AHDC1: variants seen among roughly 807,000 people sequenced by gnomAD.
AHDC1 encodes transcription factor Gibbin.
In AHDC1, 7 loss-of-function variants were observed where a neutral mutation model predicts 87.9. The observed-to-expected ratio is 0.08, with a 90% CI of 0.05 to 0.15. The LOEUF (loss-of-function observed/expected upper bound fraction) is 0.15. AHDC1 is among the 10% of genes least tolerant of loss of function. The probability of loss-of-function intolerance (pLI) is 1.00; values close to 1 mark genes in which losing one functional copy is unlikely to be tolerated. For synonymous variants in AHDC1, 1,051 were observed against 1,006.8 expected (o/e 1.04, Z -0.83); for missense variants, 1,841 against 2,253.2 (o/e 0.82, Z 3.70).
chr1:27,541,001 T>TAAAAAAAAAGA (rs2018880642), intron 8 of AHDC1, among the ~76,000 whole-genome samples: 1 of 72,368 alleles, frequency 1.4e-5, no homozygotes, highest in Non-Finnish European at 2.4e-5. Context: ...CTAAAAATGC[T>TAAAAAAAAAGA]AAAAAAAAAA....
chr1:27,569,029 C>T (rs2020452563), intron 3 of AHDC1, among the ~76,000 whole-genome samples: 1 of 151,904 alleles, frequency 6.6e-6, no homozygotes, highest in Non-Finnish European at 1.5e-5. Context: ...AGAGCCCTGC[C>T]CTGAACCCCC....
At chr1:27,583,986 C>T (rs894888130) in intron 3 of AHDC1, among the ~76,000 whole-genome samples, 3 of 152,198 alleles carry the variant, frequency 2.0e-5, no homozygotes, top group Admixed American at 6.5e-5. Flanking sequence ...AACATGACCC[C>T]TTATGATCTG....
intron 3 of AHDC1, among the ~76,000 whole-genome samples, chr1:27,578,590 A>G (rs1325244465): frequency 6.7e-6 from 1 of 149,942 alleles, no homozygotes; most frequent in Non-Finnish European, 1.5e-5. Flanking sequence ...CTCCCTCTCA[A>G]AAAAAAAAAG....
rs552889135 is a variant in AHDC1 at position 27,551,418 on chromosome 1, C to T, written c.698G>A (p.Ser233Asn). 6.8e-6 allele frequency: 11 copies of T among 1,613,434 alleles called. No homozygotes were observed. The African/African-American group carries it at 9.3e-5, about 14-fold the overall frequency. Residue 233 changes from serine (S) to asparagine (N), a missense_variant, in exon 8 of 9, where the codon AGC (serine) becomes AAC (asparagine). Ser to Asn is a conservative substitution (Grantham distance 46). Around this residue, in one of 13 missense-constraint regions of AHDC1, gnomAD observed 370 missense variants for 391.5 expected, o/e 0.95. Coordinates refer to ENST00000673934, the MANE Select transcript of AHDC1 (RefSeq NM_001371928.1). ...GTCAGCAAGTTCTGAGTAATCAGTGCTGTCTGGCTCAGGCTCTGGGGGCAG... is the reference window on the plus strand; with the variant it reads ...GTCAGCAAGTTCTGAGTAATCAGTGTTGTCTGGCTCAGGCTCTGGGGGCAG... The part of the protein sequence containing the change: ...TGLPPEPEPD[S>N]TDYSELADAD...
At position 27,563,786 on chromosome 1, in the gene AHDC1, G is replaced by C. The variant is rs1428281494; in HGVS notation, c.-628-4903C>G. 6.6e-6 allele frequency among the ~76,000 whole-genome samples: 1 copy of C among 152,122 alleles called. No homozygotes were observed. Among genetic ancestry groups the C allele is most frequent in the African/African-American group, 2.4e-5 (1 of 41,406 alleles). ...GCTTCCCGCCCAGTGGCGGGTGCTGGGGGAGAGGAGTGCTGGGGAGGAAGC... is the reference window on the plus strand; with the variant it reads ...GCTTCCCGCCCAGTGGCGGGTGCTGCGGGAGAGGAGTGCTGGGGAGGAAGC... On this transcript the variant is annotated intron_variant, in intron 3 of 8. Transcript: ENST00000673934. The surrounding 1 kb of genome is among the most constrained non-coding windows in gnomAD (Gnocchi z 6.1).
In AHDC1 at chr1:27,558,137, GC is replaced by G. The variant is rs1485827468; in HGVS notation, c.-225+167del. Among the ~76,000 whole-genome samples, 1 of 152,218 alleles carries G rather than the reference GC, an allele frequency of 6.6e-6. No individual in the cohort carries two copies. The highest frequency in any genetic ancestry group is 2.1e-4 in the South Asian group (1 of 4,836). The stretch of plus-strand genomic sequence containing the variant: ...GCTTCATGTGTCAGTTCAGGGAGTT[GC>G]CTCTGCAGGGCAGGGCAGCTTCACC... On this transcript the variant is annotated intron_variant, in intron 5 of 8. Transcript: ENST00000673934. The surrounding 1 kb of genome is among the most constrained non-coding windows in gnomAD (Gnocchi z 5.6).
Position 27,595,061 on chromosome 1 carries a change from C to T in AHDC1, c.-629+8336G>A, listed in dbSNP as rs949861223. 6.6e-6 allele frequency among the ~76,000 whole-genome samples: 1 copy of T among 151,986 alleles called. No individual in the cohort carries two copies. The highest frequency in any genetic ancestry group is 2.4e-5 in the African/African-American group (1 of 41,326). Reference sequence around the variant, plus strand: ...GTGCCGGGATCCAGGAGGCAGTGTGCACAAGTTTCAGGAGGTATTAGAAGC... The same window carrying T: ...GTGCCGGGATCCAGGAGGCAGTGTGTACAAGTTTCAGGAGGTATTAGAAGC... On this transcript the variant is annotated intron_variant, in intron 3 of 8. Transcript: ENST00000673934. The surrounding 1 kb of genome is among the most constrained non-coding windows in gnomAD (Gnocchi z 4.0).
intron 3 of AHDC1, among the ~76,000 whole-genome samples, chr1:27,576,314 GT>G (rs959056942): frequency 4.6e-5 from 7 of 152,150 alleles, no homozygotes; most frequent in African/African-American, 1.7e-4. Context: ...GGGGGCCTCC[GT>G]TTTCCTTATT....
In AHDC1 at chr1:27,548,544, C is replaced by T. The variant is rs146401682; in HGVS notation, c.3572G>A (p.Ser1191Asn). 7.2e-4 allele frequency: 1,156 copies of T among 1,613,518 alleles called. 1 individual carries two copies. Among genetic ancestry groups the T allele is most frequent in the Non-Finnish European group, 9.1e-4 (1,075 of 1,180,036 alleles). ...GGACAGGCTCGACTGGCCCTCACTA[C>T]TTGAGGCCTCGCTGTTGGCACGCCG... ...GFRRANSEAS[S>N]SEGQSSLSSL... is the part of the protein sequence containing the mutation. Residue 1191 changes from serine (S) to asparagine (N), a missense_variant, in exon 8 of 9, where the codon AGT becomes AAT. Transcript: ENST00000673934.
rs1135401761 is a variant in AHDC1 at position 27,548,302 on chromosome 1, G to C, written c.3814C>G (p.Arg1272Gly). The C allele has an allele frequency of 6.2e-7, 1 of 1,605,932 alleles. No homozygotes were observed. Among genetic ancestry groups the C allele is most frequent in the East Asian group, 2.2e-5 (1 of 44,716 alleles). The change falls in exon 8 of 9, where the codon CGA becomes GGA. Residue 1272 changes from arginine (R) to glycine (G), a missense_variant. By Grantham distance (125) the Arg-to-Gly change is moderately radical (BLOSUM62 -2). This residue lies in a region of AHDC1 where 505 missense variants were observed against 626.2 expected (regional missense o/e 0.81). Coordinates refer to ENST00000673934, the MANE Select transcript of AHDC1 (RefSeq NM_001371928.1). Reference protein sequence around the residue: ...SKRSTGPRQPRGGRGGGACSA... With the variant: ...SKRSTGPRQPGGGRGGGACSA... ...CAGGCCCCACCGCCCCGTCCACCTC[G>C]CGGCTGCCGGGGCCCAGTGCTCCGT... is the stretch of plus-strand genomic sequence containing the variant.
rs1376138112 is a variant in AHDC1 at position 27,547,586 on chromosome 1, G to A, written c.4530C>T (p.Ala1510=). 6.2e-7 allele frequency: 1 copy of A among 1,607,728 alleles called. No homozygotes were observed. Among genetic ancestry groups the A allele is most frequent in the Non-Finnish European group, 8.5e-7 (1 of 1,177,820 alleles). The change falls in exon 8 of 9, where the codon GCC becomes GCT. Residue 1510 remains alanine, a synonymous_variant. Coordinates refer to ENST00000673934, the MANE Select transcript of AHDC1 (RefSeq NM_001371928.1). The surrounding 1 kb of genome is among the most constrained non-coding windows in gnomAD (Gnocchi z 4.9). ...GTGGCTCCTTGTCGGCCTTGGGCGT[G>A]GCTGGTGGGCTAGCCAGGTGAGGGG... is the stretch of plus-strand genomic sequence containing the variant. The part of the protein sequence containing the change: ...LSAPHLASPP[A]TPKADKEPLE...
chr1:27,548,684 G>A lies in AHDC1; in HGVS notation c.3432C>T (p.Asp1144=), dbSNP rs775309521. The change falls in exon 8 of 9, where the codon GAC becomes GAT. Residue 1144 remains aspartate (D), a synonymous_variant. Coordinates refer to ENST00000673934, the MANE Select transcript of AHDC1 (RefSeq NM_001371928.1). The part of the protein sequence containing the change: ...CHVSEPNVIL[D]ISNYTPQKVK... Reference sequence around the variant, plus strand: ...CCTTCTGCGGTGTGTAGTTGGAGATGTCCAGGATCACGTTGGGCTCGCTGA... The same window carrying A: ...CCTTCTGCGGTGTGTAGTTGGAGATATCCAGGATCACGTTGGGCTCGCTGA... 4.3e-6 allele frequency: 7 copies of A among 1,613,302 alleles called. No homozygotes were observed. In the Admixed American group the frequency reaches 8.3e-5, roughly 19 times the overall value.
intron 3 of AHDC1, among the ~76,000 whole-genome samples, chr1:27,576,413 A>G (rs1387849579): frequency 1.3e-5 from 2 of 152,212 alleles, no homozygotes; most frequent in East Asian, 3.8e-4. Context: ...ATTTGTGCCT[A>G]GCGACTACCC....
chr1:27,599,650 C>T (rs1275365666), intron 3 of AHDC1, among the ~76,000 whole-genome samples: 1 of 152,334 alleles, frequency 6.6e-6, no homozygotes, highest in South Asian at 2.1e-4. Flanking sequence ...GGATGATGCT[C>T]CTGGCACCTC....
chr1:27,594,680 C>G (rs1451001450), intron 3 of AHDC1, among the ~76,000 whole-genome samples: 1 of 152,084 alleles, frequency 6.6e-6, no homozygotes, highest in East Asian at 1.9e-4. Flanking sequence ...GAGGCCTGGG[C>G]AGCAGAGAGA....
intron 8 of AHDC1, among the ~76,000 whole-genome samples, chr1:27,545,333 G>A (rs191637626): frequency 6.6e-6 from 1 of 152,002 alleles, no homozygotes; most frequent in Non-Finnish European, 1.5e-5. Context: ...TAGAACAATG[G>A]AATGCATTGG....
intron 3 of AHDC1, among the ~76,000 whole-genome samples, chr1:27,576,121 G>T (rs1047666886): frequency 6.6e-6 from 1 of 152,210 alleles, no homozygotes; most frequent in Non-Finnish European, 1.5e-5. Flanking sequence ...GCGGCCCGGC[G>T]CTCCCTCCGC....
rs963567238 is a variant in AHDC1 at position 27,563,246 on chromosome 1, C to T, written c.-628-4363G>A. Reference sequence around the variant, plus strand: ...GCTGACCAAGACACACACACACGCACGCATGCATGCACACACCCACACAAA... The same window carrying T: ...GCTGACCAAGACACACACACACGCATGCATGCATGCACACACCCACACAAA... On this transcript the variant is annotated intron_variant, in intron 3 of 8. Coordinates refer to ENST00000673934, the MANE Select transcript of AHDC1 (RefSeq NM_001371928.1). This position sits in a 1 kb window ranked among gnomAD's most constrained non-coding sequence, Gnocchi z 6.1. Among the ~76,000 whole-genome samples the T allele has an allele frequency of 7.9e-5, 12 of 152,002 alleles. No homozygotes were observed. Among genetic ancestry groups the T allele is most frequent in the East Asian group, 1.9e-4 (1 of 5,176 alleles).
chr1:27,579,485 A>G (rs764770552), intron 3 of AHDC1, among the ~76,000 whole-genome samples: 2 of 152,152 alleles, frequency 1.3e-5, no homozygotes, highest in East Asian at 1.9e-4. Flanking sequence ...TTGTTCATCA[A>G]TCCCCAATAT....
Sources: gnomAD v4.1 joint callset for allele counts (sites outside exome capture counted in the v4.1 genomes callset) on GRCh38, gnomAD v4.1.1 for gene constraint, gnomAD v4.1.1 regional missense constraint, Gnocchi (gnomAD v3.1) non-coding constraint, MANE v1.5 for transcripts, NCBI Gene and HGNC (gene_info 2026-07-23, HGNC 2026-07-21) for gene names.